Variants in ZNF420 observed in about 807,000 individuals in gnomAD.
The protein encoded by ZNF420 is ATM and p53-associated KZNF protein.
ZNF420 carries 31 observed loss-of-function variants against 44.7 expected under a neutral mutation model. The ratio of observed to expected loss-of-function variants is 0.69; its 90% CI spans 0.52 to 0.94. ZNF420 has a LOEUF of 0.94. ZNF420 is among the 40% of genes least tolerant of loss of function. The pLI, the probability that ZNF420 is intolerant of heterozygous loss-of-function variation, is 0.00. For missense variants in ZNF420, 681 were observed against 827.9 expected, an observed-to-expected ratio of 0.82 and a Z score of 2.18; for synonymous variants, 245 against 267.4, an observed-to-expected ratio of 0.92 and a Z score of 0.82.
chr19:37,095,921 C>G (rs1568454328), intron 4 of ZNF420: 1 of 152,156 alleles, frequency 6.6e-6, no homozygotes, highest in South Asian at 2.1e-4. Flanking sequence ...AATAAATGCT[C>G]TAAGTGTTTG....
intron 1 of ZNF420, among the ~76,000 whole-genome samples, chr19:37,070,024 A>C (rs549385439): frequency 4.1e-4 from 63 of 152,290 alleles, no homozygotes; most frequent in African/African-American, 1.4e-3. Flanking sequence ...GTTATATCCC[A>C]AAAATTATTA....
intron 4 of ZNF420, among the ~76,000 whole-genome samples, chr19:37,123,622 T>TTTTTTTTTTTTGG (rs35290083): frequency 6.9e-6 from 1 of 143,976 alleles, no homozygotes; most frequent in East Asian, 2.0e-4. Flanking sequence ...TTTTTTTTTT[T>TTTTTTTTTTTTGG]GAGCGGAGTC....
At position 37,130,362 on chromosome 19, in the gene ZNF420, T is replaced by C; in HGVS notation, c.*1304T>C. On this transcript the variant is annotated 3_prime_UTR_variant, in exon 5 of 5. Transcript: ENST00000337995. ...TATTGACAATAAAAATTCTTAAGGATATAAAATTTTGTACCTGGAAGTGGG... is the reference window on the plus strand; with the variant it reads ...TATTGACAATAAAAATTCTTAAGGACATAAAATTTTGTACCTGGAAGTGGG... 1.6e-6 allele frequency: 2 copies of C among 1,265,928 alleles called. No homozygotes were observed. Among genetic ancestry groups the C allele is most frequent in the Non-Finnish European group, 2.0e-6 (2 of 997,670 alleles). 78.4% of individuals were successfully genotyped at this position (1,265,928 alleles called of 1,614,324 possible).
chr19:37,076,376 TTTTA>T (rs149367618), upstream of ZNF420, among the ~76,000 whole-genome samples: 22,738 of 150,136 alleles, frequency 0.15, 1,738 homozygotes, highest in African/African-American at 0.2. Context: ...TTATTTTTAT[TTTTA>T]TTTATTTATT....
chr19:37,077,675 T>C (rs959065941), upstream of ZNF420, among the ~76,000 whole-genome samples: 1 of 152,240 alleles, frequency 6.6e-6, no homozygotes, highest in African/African-American at 2.4e-5. Context: ...GCTCATTTGC[T>C]CTTGGCACCC....
At chr19:37,010,655 G>T (rs2074562466) in intron 1 of ZNF420, among the ~76,000 whole-genome samples, 1 of 152,002 alleles carries the variant, frequency 6.6e-6, no homozygotes, top group African/African-American at 2.4e-5. Flanking sequence ...CCTGTCTTTG[G>T]TGCGCCTCTT....
At chr19:37,031,105 T>C (rs1335488918) in intron 1 of ZNF420, among the ~76,000 whole-genome samples, 1 of 152,170 alleles carries the variant, frequency 6.6e-6, no homozygotes, top group African/African-American at 2.4e-5. Context: ...TCCACCCACC[T>C]TGGCCTCCCA....
In ZNF420 at chr19:37,127,168, A is replaced by G. The variant is rs1283659515; in HGVS notation, c.177A>G (p.Glu59=). ...SRCASKDLSP[E]KNTYETELSQ... The stretch of plus-strand genomic sequence containing the variant: ...GTGCAAGTAAGGACTTATCTCCAGA[A>G]AAGAACACTTATGAAACAGAATTAT... Residue 59 remains glutamate, a synonymous_variant, in exon 5 of 5, where the codon GAA becomes GAG. Transcript: ENST00000337995. The G allele has an allele frequency of 6.4e-7, 1 of 1,554,804 alleles. No individual in the cohort carries two copies. Among genetic ancestry groups the G allele is most frequent in the Non-Finnish European group, 8.7e-7 (1 of 1,151,244 alleles).
At chr19:37,012,319 C>T (rs956954918) in intron 1 of ZNF420, among the ~76,000 whole-genome samples, 1 of 152,236 alleles carries the variant, frequency 6.6e-6, no homozygotes, top group African/African-American at 2.4e-5. Context: ...CGCGAGTCGG[C>T]CTAGCTAATG....
At chr19:37,073,388 C>T (rs1408042311) in intron 1 of ZNF420, among the ~76,000 whole-genome samples, 2 of 152,148 alleles carry the variant, frequency 1.3e-5, no homozygotes, top group Non-Finnish European at 2.9e-5. Context: ...CAAAAATTCT[C>T]CTCACAAAGT....
chr19:37,044,515 A>T (rs996468500), intron 1 of ZNF420, among the ~76,000 whole-genome samples: 1 of 152,100 alleles, frequency 6.6e-6, no homozygotes, highest in Non-Finnish European at 1.5e-5. Flanking sequence ...TTTTCTAGAG[A>T]TTTGAAAATA....
At chr19:37,040,097 C>T (rs1967425769) in intron 1 of ZNF420, among the ~76,000 whole-genome samples, 1 of 152,178 alleles carries the variant, frequency 6.6e-6, no homozygotes. Context: ...GCATTTTCTT[C>T]CAATAGAAGG....
chr19:37,060,603 C>G (rs1179282777), intron 1 of ZNF420, among the ~76,000 whole-genome samples: 1 of 145,540 alleles, frequency 6.9e-6, no homozygotes, highest in Non-Finnish European at 1.5e-5. Flanking sequence ...TCTCTCCAAA[C>G]CTGTTTCTGC....
At chr19:37,042,753 C>T (rs1004393677) in intron 1 of ZNF420, among the ~76,000 whole-genome samples, 1 of 152,172 alleles carries the variant, frequency 6.6e-6, no homozygotes, top group Non-Finnish European at 1.5e-5. Context: ...TTTCTTTGCA[C>T]TTACAACTTG....
At chr19:37,121,574 T>C (rs1971038525) in intron 4 of ZNF420, among the ~76,000 whole-genome samples, 1 of 152,142 alleles carries the variant, frequency 6.6e-6, no homozygotes, top group South Asian at 2.1e-4. Context: ...GGCAAGGACT[T>C]CATGTCTCAA....
chr19:37,077,431 A>G (rs1968186248), upstream of ZNF420, among the ~76,000 whole-genome samples: 1 of 152,218 alleles, frequency 6.6e-6, no homozygotes, highest in African/African-American at 2.4e-5. Context: ...CTGCTGTGGC[A>G]GAGGAAAAGG....
At position 37,129,495 on chromosome 19, in the gene ZNF420, G is replaced by A. The variant is rs989090125; in HGVS notation, c.*437G>A. 1 of 166,290 alleles carries A rather than the reference G, an allele frequency of 6.0e-6. No individual in the cohort carries two copies. The highest frequency in any genetic ancestry group is 1.3e-5 in the Non-Finnish European group (1 of 76,656). 10.3% of individuals were successfully genotyped at this position (166,290 alleles called of 1,614,324 possible). On this transcript the variant is annotated 3_prime_UTR_variant, in exon 5 of 5. Transcript: ENST00000337995. ...CTCTTAGAATGGTGCCTTGAACGTAGCATACCACAAATATTAGCTACCATT... is the reference window on the plus strand; with the variant it reads ...CTCTTAGAATGGTGCCTTGAACGTAACATACCACAAATATTAGCTACCATT...
rs1971401540 is a variant in ZNF420 at position 37,127,301 on chromosome 19, A to T, written c.310A>T (p.Lys104Ter). The part of the protein sequence containing the change: ...GKMEKQQENQ[K>*]EYFRQGMIIY... ...GATGGAGAAGCAACAAGAAAATCAGAAGGAATATTTCAGGCAAGGGATGAT... is the reference window on the plus strand; with the variant it reads ...GATGGAGAAGCAACAAGAAAATCAGTAGGAATATTTCAGGCAAGGGATGAT... Residue 104 changes from lysine to a stop codon, truncating the protein, a stop_gained, in exon 5 of 5, where the codon AAG becomes TAG. Coordinates refer to ENST00000337995, the MANE Select transcript of ZNF420 (RefSeq NM_144689.5). LOFTEE classifies it low-confidence loss of function (END_TRUNC). 1.2e-6 allele frequency: 2 copies of T among 1,613,392 alleles called. No homozygotes were observed. Among genetic ancestry groups the T allele is most frequent in the Non-Finnish European group, 1.7e-6 (2 of 1,179,676 alleles).
Position 37,089,099 on chromosome 19 carries a change from T to C in ZNF420, c.-20T>C. On this transcript the variant is annotated 5_prime_UTR_variant, in exon 3 of 5. Coordinates refer to ENST00000337995, the MANE Select transcript of ZNF420 (RefSeq NM_144689.5). Reference sequence around the variant, plus strand: ...AGGAACCCAGAAGAGGACTGATCATTTCTTGCAGCTCTAAAAACCATGGCT... The same window carrying C: ...AGGAACCCAGAAGAGGACTGATCATCTCTTGCAGCTCTAAAAACCATGGCT... 1 of 1,612,818 alleles carries C rather than the reference T, an allele frequency of 6.2e-7. No homozygotes were observed. The highest frequency in any genetic ancestry group is 8.5e-7 in the Non-Finnish European group (1 of 1,178,820).
Sources: allele counts gnomAD v4.1 joint callset (sites outside exome capture counted in the v4.1 genomes callset), GRCh38; gene constraint gnomAD v4.1.1; transcripts MANE v1.5; gene names NCBI Gene and HGNC (gene_info 2026-07-23, HGNC 2026-07-21).